The following FRMD4A variants were observed in gnomAD, a reference collection of about 807,000 sequenced individuals.
FRMD4A encodes FERM domain containing 4A.
FRMD4A carries 29 observed loss-of-function variants against 129.1 expected under a neutral mutation model. That is an observed-to-expected ratio of 0.22 (90% confidence interval 0.17 to 0.31). The LOEUF (loss-of-function observed/expected upper bound fraction) is 0.31, where lower values mean the gene tolerates loss of function less well. FRMD4A is among the 10% of genes least tolerant of loss of function. The pLI is 1.00. For missense variants in FRMD4A, 1,272 were observed against 1,375.8 expected (o/e 0.92, Z 1.19); for synonymous variants, 634 against 571.6 (o/e 1.11, Z -1.56).
intron 2 of FRMD4A, among the ~76,000 whole-genome samples, chr10:14,235,805 C>T (rs777881707): frequency 6.6e-6 from 1 of 152,178 alleles, no homozygotes; most frequent in African/African-American, 2.4e-5. Context: ...CAGGAAAGAA[C>T]ATAATTAGGC....
intron 2 of FRMD4A, among the ~76,000 whole-genome samples, chr10:14,249,362 A>G (rs960158692): frequency 6.6e-6 from 1 of 151,872 alleles, no homozygotes; most frequent in South Asian, 2.1e-4. Context: ...AAAAAAAAAA[A>G]AAGAAAGAAA....
Position 14,279,167 on chromosome 10 carries a change from TGAG to T in FRMD4A, c.45+50888_45+50890del, listed in dbSNP as rs113343132. On this transcript the variant is annotated intron_variant, in intron 2 of 24. Coordinates refer to ENST00000357447, the MANE Select transcript of FRMD4A (RefSeq NM_018027.5). Reference sequence around the variant, plus strand: ...TTATTATCAAAGTAAACTATGCCCCTGAGGAGGAAGCGGGATTTTTTTTTTTTT... The same window carrying T: ...TTATTATCAAAGTAAACTATGCCCCTGAGGAAGCGGGATTTTTTTTTTTTT... Among the ~76,000 whole-genome samples, 248 of 148,840 alleles carry T rather than the reference TGAG, an allele frequency of 1.7e-3. 1 individual carries two copies. The highest frequency in any genetic ancestry group is 5.8e-3 in the African/African-American group (236 of 40,580).
intron 11 of FRMD4A, among the ~76,000 whole-genome samples, chr10:13,739,102 C>T (rs2090836488): frequency 6.6e-6 from 1 of 152,154 alleles, no homozygotes; most frequent in South Asian, 2.1e-4. Flanking sequence ...TAGTGGGTGT[C>T]TGGAAAACTT....
At chr10:13,849,605 C>A (rs151333556) in intron 3 of FRMD4A, among the ~76,000 whole-genome samples, 1 of 151,422 alleles carries the variant, frequency 6.6e-6, no homozygotes, top group African/African-American at 2.4e-5. Context: ...CTCAGCCTCC[C>A]GAGTAGCTGG....
At chr10:14,126,406 TG>T (rs763235095) in intron 2 of FRMD4A, among the ~76,000 whole-genome samples, 19 of 152,146 alleles carry the variant, frequency 1.2e-4, no homozygotes, top group Non-Finnish European at 1.5e-5. Context: ...CTTGACCTTG[TG>T]ATCCACCTGC....
chr10:14,092,618 A>T (rs554091380), intron 2 of FRMD4A, among the ~76,000 whole-genome samples: 21 of 152,366 alleles, frequency 1.4e-4, no homozygotes, highest in Admixed American at 1.1e-3. Context: ...GACATCAGAG[A>T]AAGCTGGAGT....
At chr10:14,210,193 A>T (rs1245191115) in intron 2 of FRMD4A, among the ~76,000 whole-genome samples, 1 of 152,150 alleles carries the variant, frequency 6.6e-6, no homozygotes. Context: ...TGGTATTAGG[A>T]GATAAGGCCT....
chr10:13,862,590 G>GTA (rs1437147501), intron 2 of FRMD4A, among the ~76,000 whole-genome samples: 6 of 152,088 alleles, frequency 3.9e-5, no homozygotes, highest in Non-Finnish European at 5.9e-5. Context: ...AACATGCTCC[G>GTA]TATTTTAATG....
At chr10:13,982,777 T>A (rs1036429784) in intron 2 of FRMD4A, among the ~76,000 whole-genome samples, 15 of 152,214 alleles carry the variant, frequency 9.9e-5, no homozygotes, top group Non-Finnish European at 2.1e-4. Flanking sequence ...GGCTCCTGTG[T>A]CGCATAAAAG....
chr10:14,194,581 C>A (rs542249836), intron 2 of FRMD4A, among the ~76,000 whole-genome samples: 3,822 of 152,116 alleles, frequency 0.025, 106 homozygotes, highest in East Asian at 0.1. Context: ...ACTGCACTCT[C>A]GCCTGGGCGA....
At chr10:14,289,939 T>A (rs1417535682) in intron 2 of FRMD4A, among the ~76,000 whole-genome samples, 1 of 151,894 alleles carries the variant, frequency 6.6e-6, no homozygotes, top group East Asian at 1.9e-4. Context: ...AATATAAAAA[T>A]CAGTTTTTTC....
intron 3 of FRMD4A, among the ~76,000 whole-genome samples, chr10:13,812,338 G>C (rs2093463699): frequency 6.6e-6 from 1 of 152,222 alleles, no homozygotes. Flanking sequence ...GGGCCCCCAA[G>C]ATGGGATTCG....
At chr10:13,788,538 C>T (rs2092921454) in intron 5 of FRMD4A, among the ~76,000 whole-genome samples, 1 of 152,180 alleles carries the variant, frequency 6.6e-6, no homozygotes, top group African/African-American at 2.4e-5. Context: ...CTGGCCTCAC[C>T]ACAGCTGAAT....
At chr10:13,746,210 T>G (rs1476448628) in intron 9 of FRMD4A, among the ~76,000 whole-genome samples, 1 of 151,780 alleles carries the variant, frequency 6.6e-6, no homozygotes, top group African/African-American at 2.4e-5. Flanking sequence ...GCCAGAGTTG[T>G]TTTTTTGTTT....
intron 2 of FRMD4A, among the ~76,000 whole-genome samples, chr10:13,940,891 C>A (rs1471464502): frequency 1.3e-5 from 2 of 152,176 alleles, no homozygotes; most frequent in Admixed American, 6.5e-5. Context: ...GTTGTGTCAA[C>A]CAATGATCAC....
chr10:14,288,142 T>A (rs983511660), intron 2 of FRMD4A, among the ~76,000 whole-genome samples: 5 of 152,188 alleles, frequency 3.3e-5, no homozygotes, highest in African/African-American at 1.2e-4. Flanking sequence ...CATTCCTTTC[T>A]TCAAGAAATA....
At chr10:13,872,730 A>G (rs956665554) in intron 2 of FRMD4A, among the ~76,000 whole-genome samples, 1 of 152,222 alleles carries the variant, frequency 6.6e-6, no homozygotes, top group African/African-American at 2.4e-5. Flanking sequence ...TCTTTGCCAC[A>G]TGGAGCTCTG....
At chr10:14,302,595 A>G (rs1466054828) in intron 2 of FRMD4A, among the ~76,000 whole-genome samples, 1 of 152,228 alleles carries the variant, frequency 6.6e-6, no homozygotes, top group Non-Finnish European at 1.5e-5. Context: ...ACACACACGG[A>G]CTTCTTAGAA....
At position 14,027,859 on chromosome 10, in the gene FRMD4A, T is replaced by C. The variant is rs146598654; in HGVS notation, c.46-168947A>G. Reference sequence around the variant, plus strand: ...ACCAGAAGGGAGTTAGCCTGAAGAATGCACAGGAAATTAGTGTATGCGGAT... The same window carrying C: ...ACCAGAAGGGAGTTAGCCTGAAGAACGCACAGGAAATTAGTGTATGCGGAT... On this transcript the variant is annotated intron_variant, in intron 2 of 24. Transcript: ENST00000357447. 4.3e-3 allele frequency among the ~76,000 whole-genome samples: 651 copies of C among 152,338 alleles called. 6 individuals carry two copies. Among genetic ancestry groups the C allele is most frequent in the African/African-American group, 0.015 (631 of 41,586 alleles).
Sources: gnomAD v4.1 joint callset for allele counts (sites outside exome capture counted in the v4.1 genomes callset) on GRCh38, gnomAD v4.1.1 for gene constraint, MANE v1.5 for transcripts, NCBI Gene and HGNC (gene_info 2026-07-23, HGNC 2026-07-21) for gene names.